Variants in PPARGC1A observed in about 807,000 individuals in gnomAD.
PPARGC1A encodes the protein peroxisome proliferator-activated receptor gamma coactivator 1-alpha.
A neutral mutation model predicts 88.7 loss-of-function variants in PPARGC1A; 25 were observed. The ratio of observed to expected loss-of-function variants is 0.28; its 90% CI spans 0.21 to 0.39. The LOEUF (loss-of-function observed/expected upper bound fraction) is 0.39, where lower values mean the gene tolerates loss of function less well. Ranked by LOEUF, PPARGC1A falls within the 10% of genes least tolerant of loss-of-function variation. PPARGC1A has a pLI of 1.00. For missense variants in PPARGC1A, 880 were observed against 968.7 expected, an observed-to-expected ratio of 0.91 and a Z score of 1.22; for synonymous variants, 363 against 355.6, an observed-to-expected ratio of 1.02 and a Z score of -0.24.
At chr4:23,828,215 A>G (rs1344458305) in intron 5 of PPARGC1A, among the ~76,000 whole-genome samples, 185 bp downstream of exon 5, 2 of 152,188 alleles carry the variant, frequency 1.3e-5, no homozygotes, top group Non-Finnish European at 2.9e-5. Context: ...TCAGCTGAAT[A>G]GAATATGTTT....
the PPARGC1A span, among the ~76,000 whole-genome samples, chr4:24,261,387 G>A: frequency 2.2e-3 from 329 of 152,132 alleles, 3 homozygotes; most frequent in African/African-American, 7.6e-3. Flanking sequence ...CCTCAGGACC[G>A]CTCCCTGCCC....
chr4:23,809,696 G>GAT (rs1720509783), intron 10 of PPARGC1A, among the ~76,000 whole-genome samples: 1 of 152,100 alleles, frequency 6.6e-6, no homozygotes, highest in Non-Finnish European at 1.5e-5. Flanking sequence ...AAAGATAAAT[G>GAT]AAGTATTTTA....
At chr4:24,396,931 T>G in the PPARGC1A span, among the ~76,000 whole-genome samples, 1 of 152,200 alleles carries the variant, frequency 6.6e-6, no homozygotes, top group East Asian at 1.9e-4. Flanking sequence ...AAAATGGTAC[T>G]CTCATGCATC....
chr4:24,359,975 C>G, the PPARGC1A span, among the ~76,000 whole-genome samples: 4 of 152,250 alleles, frequency 2.6e-5, no homozygotes, highest in African/African-American at 9.6e-5. Context: ...CCAGCACCTC[C>G]CATCTGAGTA....
chr4:23,836,416 A>C (rs1206469404), intron 2 of PPARGC1A, among the ~76,000 whole-genome samples: 1 of 152,194 alleles, frequency 6.6e-6, no homozygotes, highest in African/African-American at 2.4e-5. Flanking sequence ...GTAACACCTT[A>C]TTCTCTAAGG....
the PPARGC1A span, among the ~76,000 whole-genome samples, chr4:24,399,178 C>T: frequency 2.0e-5 from 3 of 152,116 alleles, no homozygotes; most frequent in African/African-American, 7.2e-5. Context: ...AAGCTTCCAC[C>T]TTCCTATCTG....
At chr4:24,076,567 C>A in the PPARGC1A span, among the ~76,000 whole-genome samples, 1 of 152,096 alleles carries the variant, frequency 6.6e-6, no homozygotes, top group Non-Finnish European at 1.5e-5. Context: ...TATATTTGGG[C>A]CAAGATTTCT....
chr4:23,844,764 A>ATAATATATGATATATATTATT (rs1230515487), intron 2 of PPARGC1A, among the ~76,000 whole-genome samples: 5 of 45,566 alleles, frequency 1.1e-4, no homozygotes, highest in Non-Finnish European at 1.4e-4. Flanking sequence ...TATATATTAT[A>ATAATATATGATATATATTATT]ATAATATATG....
chr4:24,394,680 C>T, the PPARGC1A span, among the ~76,000 whole-genome samples: 359 of 152,310 alleles, frequency 2.4e-3, 4 homozygotes, highest in African/African-American at 8.1e-3. Flanking sequence ...CCGTCCTTTA[C>T]ATGAACCAAG....
the PPARGC1A span, among the ~76,000 whole-genome samples, chr4:23,919,452 A>G: frequency 6.6e-6 from 1 of 151,656 alleles, no homozygotes; most frequent in African/African-American, 2.4e-5. Flanking sequence ...TTAACCTACC[A>G]TCCTATGATT....
the PPARGC1A span, among the ~76,000 whole-genome samples, chr4:24,177,831 T>C: frequency 6.6e-6 from 1 of 151,980 alleles, no homozygotes; most frequent in East Asian, 1.9e-4. Flanking sequence ...ACAGGAAAAG[T>C]GGTCATTTTA....
chr4:24,432,838 G>T, the PPARGC1A span, among the ~76,000 whole-genome samples: 1 of 152,204 alleles, frequency 6.6e-6, no homozygotes, highest in Non-Finnish European at 1.5e-5. Flanking sequence ...TCAGGTGGCC[G>T]CCTTGCGGTT....
At chr4:24,141,007 G>C in the PPARGC1A span, among the ~76,000 whole-genome samples, 1 of 152,132 alleles carries the variant, frequency 6.6e-6, no homozygotes, top group Non-Finnish European at 1.5e-5. Context: ...GATAACAAAG[G>C]GACTAACAGA....
intron 1 of PPARGC1A, chr4:23,888,934 T>G (rs1717360904): frequency 1.0e-6 from 1 of 985,064 alleles, no homozygotes. Flanking sequence ...TTCGAGTCCA[T>G]CTCACCAGAG....
chr4:23,855,048 T>G (rs1328045282), intron 2 of PPARGC1A, among the ~76,000 whole-genome samples: 2 of 152,080 alleles, frequency 1.3e-5, no homozygotes, highest in African/African-American at 4.8e-5. Flanking sequence ...CCGATACTGT[T>G]CTCATGGTAG....
chr4:24,393,305 C>T, the PPARGC1A span, among the ~76,000 whole-genome samples: 1 of 152,118 alleles, frequency 6.6e-6, no homozygotes, highest in Non-Finnish European at 1.5e-5. Flanking sequence ...ATTTCAATTC[C>T]ATCCATTCAT....
At chr4:24,109,298 T>TACACACACACAC in the PPARGC1A span, among the ~76,000 whole-genome samples, 17 of 131,800 alleles carry the variant, frequency 1.3e-4, no homozygotes, top group African/African-American at 3.7e-4. Context: ...CATTTCATTA[T>TACACACACACAC]ACACACACAC....
At chr4:24,229,402 GCCT>G in the PPARGC1A span, among the ~76,000 whole-genome samples, 1 of 150,478 alleles carries the variant, frequency 6.6e-6, no homozygotes, top group Non-Finnish European at 1.5e-5. Flanking sequence ...GCCCACCTCG[GCCT>G]CCCAAAGTGC....
chr4:24,465,251 C>G, the PPARGC1A span, among the ~76,000 whole-genome samples: 1 of 152,200 alleles, frequency 6.6e-6, no homozygotes, highest in Non-Finnish European at 1.5e-5. Flanking sequence ...ATATTCTAGA[C>G]ACTGCTTTGT....
Sources: allele counts gnomAD v4.1 joint callset (sites outside exome capture counted in the v4.1 genomes callset), GRCh38; gene constraint gnomAD v4.1.1; transcripts MANE v1.5; gene names NCBI Gene and HGNC (gene_info 2026-07-23, HGNC 2026-07-21).